Variants in TINAG observed in about 807,000 individuals in gnomAD.
TINAG encodes tubulointerstitial nephritis antigen.
In TINAG, 83 loss-of-function variants were observed where a neutral mutation model predicts 72.7. That is an observed-to-expected ratio of 1.14 (90% CI 0.96 to 1.37). TINAG has a LOEUF of 1.37. TINAG is among the 40% of genes most tolerant of loss of function. The probability of loss-of-function intolerance (pLI) is 0.00; values close to 1 mark genes in which losing one functional copy is unlikely to be tolerated. For synonymous variants in TINAG, 234 were observed against 189.9 expected (o/e 1.23, Z -1.91); for missense variants, 685 against 576.6 (o/e 1.19, Z -1.93).
intron 9 of TINAG, among the ~76,000 whole-genome samples, chr6:54,361,719 C>CA (rs1323697693): frequency 2.0e-5 from 3 of 151,376 alleles, no homozygotes; most frequent in African/African-American, 7.3e-5. Flanking sequence ...GGAGATTGGC[C>CA]AAAAGTTAAC....
intron 9 of TINAG, among the ~76,000 whole-genome samples, chr6:54,363,267 T>A (rs1332456262): frequency 1.3e-5 from 2 of 151,562 alleles, no homozygotes; most frequent in Non-Finnish European, 3.0e-5. Context: ...TAATTGAAGT[T>A]TTTTAAGTAG....
intron 1 of TINAG, among the ~76,000 whole-genome samples, chr6:54,316,579 T>G (rs1406115604): frequency 6.6e-6 from 1 of 152,170 alleles, no homozygotes; most frequent in Non-Finnish European, 1.5e-5. Flanking sequence ...CTGCCTTTAC[T>G]TTAGTGAAGT....
intron 10 of TINAG, among the ~76,000 whole-genome samples, chr6:54,386,091 A>G (rs962484614): frequency 2.6e-5 from 4 of 151,892 alleles, no homozygotes; most frequent in African/African-American, 9.7e-5. Context: ...GGGTTTCGCC[A>G]TGTCGCCCAG....
At position 54,354,484 on chromosome 6, in the gene TINAG, G is replaced by T. The variant is rs1219453194; in HGVS notation, c.1127-29G>T. On this transcript the variant is annotated intron_variant, in intron 8 of 10. Coordinates refer to ENST00000259782, the MANE Select transcript of TINAG (RefSeq NM_014464.4). ...TTTAAAGATGATATTTTAATACTGT[G>T]CCATTTGTTCTGTTGGATTTTATTT... The T allele has an allele frequency of 1.9e-6, 3 of 1,579,294 alleles. No homozygotes were observed. In the Admixed American group the frequency reaches 5.8e-5, roughly 31 times the overall value.
At chr6:54,331,409 C>G (rs186592143) in intron 4 of TINAG, among the ~76,000 whole-genome samples, 3 of 152,254 alleles carry the variant, frequency 2.0e-5, no homozygotes, top group East Asian at 1.9e-4. Flanking sequence ...ACTCAACACC[C>G]CTTCATGCTA....
intron 1 of TINAG, among the ~76,000 whole-genome samples, chr6:54,311,506 A>G (rs967040826): frequency 6.6e-6 from 1 of 152,210 alleles, no homozygotes; most frequent in Non-Finnish European, 1.5e-5. Flanking sequence ...CCCTAGTACT[A>G]TACGGGGACA....
intron 4 of TINAG, among the ~76,000 whole-genome samples, chr6:54,338,719 C>CAAAA (rs57231980): frequency 1.4e-4 from 8 of 56,986 alleles, no homozygotes; most frequent in South Asian, 7.5e-4. Context: ...GACTCTGTCT[C>CAAAA]AAAAAAAAAA....
chr6:54,313,484 GA>G (rs1351061855), intron 1 of TINAG, among the ~76,000 whole-genome samples: 1 of 152,100 alleles, frequency 6.6e-6, no homozygotes, highest in Non-Finnish European at 1.5e-5. Flanking sequence ...TACAAGCTAA[GA>G]TTTATTGAAT....
intron 8 of TINAG, among the ~76,000 whole-genome samples, chr6:54,352,635 A>C (rs13218397): frequency 0.024 from 3,571 of 151,876 alleles, 51 homozygotes; most frequent in Non-Finnish European, 0.036. Flanking sequence ...AAAATATCCC[A>C]ACTTTGGCAT....
chr6:54,330,449 T>C (rs921613815), intron 4 of TINAG, among the ~76,000 whole-genome samples: 1 of 152,150 alleles, frequency 6.6e-6, no homozygotes, highest in Non-Finnish European at 1.5e-5. Context: ...GGGACACAGC[T>C]AAAACAGTGT....
At chr6:54,314,355 C>A (rs1240190071) in intron 1 of TINAG, among the ~76,000 whole-genome samples, 2 of 152,022 alleles carry the variant, frequency 1.3e-5, no homozygotes, top group Non-Finnish European at 2.9e-5. Flanking sequence ...ATATTTGAGT[C>A]CCATTTAAAA....
chr6:54,378,085 C>T (rs1208344859), intron 9 of TINAG, among the ~76,000 whole-genome samples: 4 of 152,082 alleles, frequency 2.6e-5, no homozygotes, highest in Non-Finnish European at 4.4e-5. Flanking sequence ...AATGTTAAAT[C>T]CTGTGATGAA....
At position 54,308,577 on chromosome 6, in the gene TINAG, CT is replaced by C; in HGVS notation, c.29del (p.Phe10SerfsTer22). On this transcript the variant is annotated frameshift_variant, in exon 1 of 11. Coordinates refer to ENST00000259782, the MANE Select transcript of TINAG (RefSeq NM_014464.4). LOFTEE classifies it high-confidence loss of function. MWTGYKILI[F>X]SYLTTEIWME... ...TGTGGACCGGATATAAGATCTTAATCTTCTCTTATCTTACTACAGAAATCTG... is the reference window on the plus strand; with the variant it reads ...TGTGGACCGGATATAAGATCTTAATCTCTCTTATCTTACTACAGAAATCTG... 6.2e-7 allele frequency: 1 copy of C among 1,612,210 alleles called. No homozygotes were observed. The highest frequency in any genetic ancestry group is 8.5e-7 in the Non-Finnish European group (1 of 1,179,330).
intron 9 of TINAG, among the ~76,000 whole-genome samples, chr6:54,379,612 G>C (rs1451103097): frequency 6.6e-6 from 1 of 152,030 alleles, no homozygotes; most frequent in African/African-American, 2.4e-5. Flanking sequence ...GTTTATAACA[G>C]TAGTTCTGGA....
At chr6:54,334,419 A>G (rs984291507) in intron 4 of TINAG, among the ~76,000 whole-genome samples, 1 of 152,128 alleles carries the variant, frequency 6.6e-6, no homozygotes, top group Non-Finnish European at 1.5e-5. Flanking sequence ...TATTGTTCCA[A>G]TTCAAATTCC....
intron 1 of TINAG, among the ~76,000 whole-genome samples, chr6:54,316,599 C>G (rs1784378054): frequency 6.6e-6 from 1 of 152,080 alleles, no homozygotes; most frequent in South Asian, 2.1e-4. Flanking sequence ...TTTAGACCAG[C>G]ACAGATATTT....
At chr6:54,369,751 T>G (rs1763548300) in intron 9 of TINAG, among the ~76,000 whole-genome samples, 1 of 152,008 alleles carries the variant, frequency 6.6e-6, no homozygotes, top group South Asian at 2.1e-4. Context: ...TCATCAATCC[T>G]TATGATTTAA....
chr6:54,308,199 C>T (rs1482503191), upstream of TINAG: 10 of 1,351,194 alleles, frequency 7.4e-6, no homozygotes, highest in African/African-American at 5.8e-5. Context: ...AGGAGGCTTT[C>T]GATTTAAGAA....
intron 4 of TINAG, among the ~76,000 whole-genome samples, chr6:54,337,539 C>T (rs542469765): frequency 1.4e-4 from 22 of 152,082 alleles, no homozygotes; most frequent in Admixed American, 2.6e-4. Context: ...CAGGTGTGAG[C>T]CATTGTGCCA....
Sources: gnomAD v4.1 joint callset for allele counts (sites outside exome capture counted in the v4.1 genomes callset) on GRCh38, gnomAD v4.1.1 for gene constraint, MANE v1.5 for transcripts, NCBI Gene and HGNC (gene_info 2026-07-23, HGNC 2026-07-21) for gene names.